The following CDH8 variants were observed in gnomAD, a reference collection of about 807,000 sequenced individuals.
CDH8 encodes the protein cadherin 8, also known as cadherin-8.
A neutral mutation model predicts 68.1 loss-of-function variants in CDH8; 17 were observed. That is an observed-to-expected ratio of 0.25 (90% CI 0.17 to 0.37). CDH8 has a LOEUF of 0.37. CDH8 is among the 10% of genes least tolerant of loss of function. The pLI is 1.00. For synonymous variants in CDH8, 372 were observed against 365.1 expected, an observed-to-expected ratio of 1.02 and a Z score of -0.21; for missense variants, 763 against 999.3, an observed-to-expected ratio of 0.76 and a Z score of 3.19.
intron 3 of CDH8, among the ~76,000 whole-genome samples, chr16:61,876,067 G>A (rs1963453377): frequency 6.6e-6 from 1 of 152,064 alleles, no homozygotes; most frequent in Admixed American, 6.5e-5. Context: ...AGTAGAGACA[G>A]GGTTTCACCA....
At chr16:61,739,714 C>T (rs1411320597) in intron 8 of CDH8, among the ~76,000 whole-genome samples, 5 of 142,088 alleles carry the variant, frequency 3.5e-5, no homozygotes, top group East Asian at 2.0e-4. Flanking sequence ...GGCAACAGAG[C>T]GAGACTCTGC....
chr16:61,733,595 C>T (rs1382009872), intron 8 of CDH8, among the ~76,000 whole-genome samples: 6 of 151,932 alleles, frequency 3.9e-5, no homozygotes, highest in Non-Finnish European at 8.8e-5. Context: ...TATCTAAAGT[C>T]ATATAATCAT....
intron 8 of CDH8, among the ~76,000 whole-genome samples, chr16:61,780,303 G>T (rs1442608036): frequency 1.3e-5 from 2 of 152,142 alleles, no homozygotes; most frequent in African/African-American, 4.8e-5. Context: ...ACATCTGCCT[G>T]CCAGCTCATG....
chr16:61,985,039 A>G (rs1965602192), intron 2 of CDH8, among the ~76,000 whole-genome samples: 1 of 151,908 alleles, frequency 6.6e-6, no homozygotes, highest in Admixed American at 6.6e-5. Flanking sequence ...GTACAACTGT[A>G]TATATTCCCT....
At chr16:62,013,180 G>A (rs1183596892) in intron 2 of CDH8, among the ~76,000 whole-genome samples, 1 of 81,322 alleles carries the variant, frequency 1.2e-5, no homozygotes, top group Non-Finnish European at 2.6e-5. Context: ...GCGTGAACCC[G>A]GGAAGCGGAG....
At chr16:61,915,676 A>G (rs1211157775) in intron 2 of CDH8, among the ~76,000 whole-genome samples, 1 of 152,180 alleles carries the variant, frequency 6.6e-6, no homozygotes. Context: ...TGCGAAGTTA[A>G]ATCTAAGGTA....
chr16:61,962,070 G>A (rs1965164521), intron 2 of CDH8, among the ~76,000 whole-genome samples: 1 of 152,098 alleles, frequency 6.6e-6, no homozygotes, highest in Non-Finnish European at 1.5e-5. Flanking sequence ...AAACTATAAG[G>A]AAGAGAAAAT....
At chr16:61,801,241 A>T (rs557655352) in intron 7 of CDH8, among the ~76,000 whole-genome samples, 19 of 152,282 alleles carry the variant, frequency 1.2e-4, no homozygotes, top group Non-Finnish European at 1.8e-4. Context: ...TTTGATTATT[A>T]TTTATAACTA....
chr16:61,721,883 A>T (rs765692412), intron 9 of CDH8, among the ~76,000 whole-genome samples: 1 of 150,738 alleles, frequency 6.6e-6, no homozygotes, highest in African/African-American at 2.4e-5. Context: ...CTCAGCTTTT[A>T]TATCTATAAC....
chr16:61,816,971 C>CA (rs1567483768), intron 7 of CDH8, among the ~76,000 whole-genome samples: 1 of 151,994 alleles, frequency 6.6e-6, no homozygotes, highest in East Asian at 1.9e-4. Flanking sequence ...ATAAAAAGAT[C>CA]ATTTCAAAGC....
intron 8 of CDH8, among the ~76,000 whole-genome samples, chr16:61,776,606 T>C (rs953604964): frequency 6.6e-6 from 1 of 152,140 alleles, no homozygotes; most frequent in Admixed American, 6.6e-5. Flanking sequence ...ACAAACAATT[T>C]GAGAGATTCT....
chr16:61,860,059 T>C (rs995286271), intron 3 of CDH8, among the ~76,000 whole-genome samples: 2 of 152,052 alleles, frequency 1.3e-5, no homozygotes, highest in African/African-American at 4.8e-5. Context: ...GCCAGGGTGG[T>C]CTCTATCTCG....
chr16:62,023,719 G>A (rs1042227733), intron 1 of CDH8, among the ~76,000 whole-genome samples: 17 of 152,130 alleles, frequency 1.1e-4, no homozygotes, highest in African/African-American at 3.9e-4. Flanking sequence ...GGAGGATGAG[G>A]ATGGTGCTAG....
At chr16:61,710,505 G>A (rs1964611447) in intron 10 of CDH8, among the ~76,000 whole-genome samples, 2 of 152,012 alleles carry the variant, frequency 1.3e-5, no homozygotes, top group African/African-American at 4.8e-5. Context: ...TCAATGAGGA[G>A]ACATTAAGAA....
chr16:61,892,811 G>C (rs1199881499), intron 3 of CDH8, among the ~76,000 whole-genome samples: 1 of 152,042 alleles, frequency 6.6e-6, no homozygotes, highest in Non-Finnish European at 1.5e-5. Flanking sequence ...ATGGAGATAA[G>C]CTACTGCAAG....
At chr16:61,995,470 C>T (rs1364598126) in intron 2 of CDH8, among the ~76,000 whole-genome samples, 1 of 152,082 alleles carries the variant, frequency 6.6e-6, no homozygotes. Flanking sequence ...CTCAGCCTCC[C>T]AGGTTCAAGC....
At chr16:61,748,060 C>T (rs928470524) in intron 8 of CDH8, among the ~76,000 whole-genome samples, 3 of 152,062 alleles carry the variant, frequency 2.0e-5, no homozygotes, top group Admixed American at 6.6e-5. Context: ...ACTTCTTCCT[C>T]AGCACTGTTC....
At chr16:61,697,870 A>G (rs1964357378) in intron 10 of CDH8, among the ~76,000 whole-genome samples, 1 of 152,204 alleles carries the variant, frequency 6.6e-6, no homozygotes, top group South Asian at 2.1e-4. Context: ...AAATTAGAGA[A>G]ATAGGAAAAA....
intron 10 of CDH8, among the ~76,000 whole-genome samples, chr16:61,669,096 C>T (rs1963739714): frequency 6.6e-6 from 1 of 151,870 alleles, no homozygotes; most frequent in South Asian, 2.1e-4. Flanking sequence ...GTCAAATATC[C>T]CTGAACATAA....
Sources: gnomAD v4.1 joint callset for allele counts (sites outside exome capture counted in the v4.1 genomes callset) on GRCh38, gnomAD v4.1.1 for gene constraint, MANE v1.5 for transcripts, NCBI Gene and HGNC (gene_info 2026-07-23, HGNC 2026-07-21) for gene names.